Variants in ZNF467 observed in about 807,000 individuals in gnomAD.
ZNF467 encodes the protein zinc finger protein 467, also known as zinc finger protein EZI.
Under a neutral mutation model 47.8 loss-of-function variants are expected in ZNF467, and 51 were observed. The observed-to-expected ratio is 1.07, with a 90% CI of 0.85 to 1.35. The LOEUF (loss-of-function observed/expected upper bound fraction) is 1.35. ZNF467 is among the 40% of genes most tolerant of loss of function. The pLI is 0.00. For missense variants in ZNF467, 992 were observed against 858.1 expected (o/e 1.16, Z -1.95); for synonymous variants, 416 against 372.9 (o/e 1.12, Z -1.33).
chr7:149,765,098 G>A lies in ZNF467; in HGVS notation c.1404C>T (p.Phe468=). 2 of 1,467,350 alleles carry A rather than the reference G, an allele frequency of 1.4e-6. No homozygotes were observed. Among genetic ancestry groups the A allele is most frequent in the Admixed American group, 2.5e-5 (1 of 39,828 alleles). The allele number at this position is 1,467,350 out of a possible 1,614,324, so 90.9% of individuals were successfully genotyped here. The change falls in exon 5 of 5, where the codon TTC becomes TTT. Residue 468 remains phenylalanine (F), a synonymous_variant. Coordinates refer to ENST00000302017, the MANE Select transcript of ZNF467 (RefSeq NM_207336.3). The stretch of plus-strand genomic sequence containing the variant: ...GGGCGACCAGATTAGGCCGCGAGCC[G>A]AAGCGGCGGTCACACTGCGTGCAGG... ...PFACTQCDRR[F]GSRPNLVAHS... is the part of the protein sequence containing the mutation.
upstream of ZNF467, chr7:149,776,527 AAGTG>A (rs1799586220): frequency 7.7e-7 from 1 of 1,304,200 alleles, no homozygotes; most frequent in African/African-American, 1.5e-5. Context: ...TCCTATCTAC[AAGTG>A]AGTAAGGGTG....
At chr7:149,774,228 C>T (rs969818646), upstream of ZNF467, among the ~76,000 whole-genome samples, 1 of 152,142 alleles carries the variant, frequency 6.6e-6, no homozygotes, top group Non-Finnish European at 1.5e-5. This position sits in a 1 kb window ranked among gnomAD's most constrained non-coding sequence, Gnocchi z 5.7. Flanking sequence ...CCCAGCTCCT[C>T]AGGGGACTCC....
intron 1 of ZNF467, among the ~76,000 whole-genome samples, chr7:149,771,710 G>GCCCCTCCCCCAGCAGACT (rs1422566609): frequency 5.1e-4 from 11 of 21,536 alleles, no homozygotes; most frequent in Non-Finnish European, 4.1e-4. Flanking sequence ...CGGCTCCCCC[G>GCCCCTCCCCCAGCAGACT]CCCCTCCCCC....
intron 4 of ZNF467, among the ~76,000 whole-genome samples, chr7:149,768,075 T>C (rs1251452031): frequency 6.6e-6 from 1 of 152,216 alleles, no homozygotes; most frequent in Non-Finnish European, 1.5e-5. Context: ...CAGCACAAAT[T>C]AATGTTTTTT....
At position 149,770,336 on chromosome 7, in the gene ZNF467, A is replaced by G. The variant is rs540196424; in HGVS notation, c.151+104T>C. On this transcript the variant is annotated intron_variant, in intron 3 of 4. Coordinates refer to ENST00000302017, the MANE Select transcript of ZNF467 (RefSeq NM_207336.3). The stretch of plus-strand genomic sequence containing the variant: ...AATGGAAGGAAGGAAGGAAAGAAGG[A>G]AGGGAGGGAGGGAGGGGGGAGGGAA... 20 of 599,756 alleles carry G rather than the reference A, an allele frequency of 3.3e-5. No homozygotes were observed. The East Asian group carries it at 5.8e-4, about 17-fold the overall frequency. 37.2% of individuals were successfully genotyped at this position (599,756 alleles called of 1,614,324 possible).
chr7:149,766,592 G>A (rs1417971074), intron 4 of ZNF467, among the ~76,000 whole-genome samples: 1 of 152,218 alleles, frequency 6.6e-6, no homozygotes, highest in Non-Finnish European at 1.5e-5. Flanking sequence ...CTCCAGCAGT[G>A]CCTTTCTGGG....
chr7:149,766,273 T>A, intron 4 of ZNF467, 34 bp from the exon 5 acceptor site: 1 of 1,511,328 alleles, frequency 6.6e-7, no homozygotes, highest in Non-Finnish European at 8.8e-7. Context: ...TCTATTGAGC[T>A]CCACGTGCGG....
Position 149,769,199 on chromosome 7 carries a change from C to T in ZNF467, c.153G>A (p.Gly51=), listed in dbSNP as rs1799313919. 6.4e-7 allele frequency: 1 copy of T among 1,553,258 alleles called. No homozygotes were observed. ...CTTCCTCCGGTGTAGGGGCCTCGTG[C>T]CCTGGCAGAGAATAGGATACCTCAA... The part of the protein sequence containing the change: ...REERALGVCS[G]HEAPTPEEGA... Residue 51 remains glycine (G), a splice_region_variant and synonymous_variant, in exon 4 of 5, where the codon GGG becomes GGA. Transcript: ENST00000302017. The surrounding 1 kb of genome is among the most constrained non-coding windows in gnomAD (Gnocchi z 5.3).
Position 149,765,901 on chromosome 7 carries a change from C to T in ZNF467, c.601G>A (p.Ala201Thr). ...PDCGRSFTQR[A>T]HMLLHQRSHR... ...CTGCGCTGATGCAGTAGCATGTGGGCGCGCTGCGTGAAGCTGCGGCCGCAG... is the reference window on the plus strand; with the variant it reads ...CTGCGCTGATGCAGTAGCATGTGGGTGCGCTGCGTGAAGCTGCGGCCGCAG... Residue 201 changes from alanine to threonine, a missense_variant, in exon 5 of 5, where the codon GCC becomes ACC. By Grantham distance (58) the Ala-to-Thr change is moderately conservative (BLOSUM62 0). Transcript: ENST00000302017. 6.3e-7 allele frequency: 1 copy of T among 1,575,936 alleles called. No homozygotes were observed. Among genetic ancestry groups the T allele is most frequent in the African/African-American group, 1.4e-5 (1 of 74,066 alleles).
At position 149,765,988 on chromosome 7, in the gene ZNF467, G is replaced by A; in HGVS notation, c.514C>T (p.Gln172Ter). 1.9e-6 allele frequency: 3 copies of A among 1,557,172 alleles called. No individual in the cohort carries two copies. Among genetic ancestry groups the A allele is most frequent in the South Asian group, 2.3e-5 (2 of 85,410 alleles). Residue 172 changes from glutamine (Q) to a stop codon, truncating the protein, a stop_gained, in exon 5 of 5, where the codon CAG becomes TAG. Coordinates refer to ENST00000302017, the MANE Select transcript of ZNF467 (RefSeq NM_207336.3). LOFTEE classifies it high-confidence loss of function. ...CGCTGGTGCAGTCGCAACGTCAGCT[G>A]GTCCCGGAAGCGCCGCTCACACTCC... is the stretch of plus-strand genomic sequence containing the variant. ...CGECERRFRD[Q>*]LTLRLHQRLH...
chr7:149,765,516 CT>C lies in ZNF467; in HGVS notation c.985del (p.Arg329GlyfsTer34). The C allele has an allele frequency of 6.3e-7, 1 of 1,580,054 alleles. No homozygotes were observed. Among genetic ancestry groups the C allele is most frequent in the Non-Finnish European group, 8.6e-7 (1 of 1,163,494 alleles). ...AGAAGCGGACGAGTCGGGAGAGGGC[CT>C]GGCCGGGCCGGCCGTCTGGTGCACC... ...QRVHQTAGPA[R>X]PSPDSSASPH... On this transcript the variant is annotated frameshift_variant, in exon 5 of 5. Coordinates refer to ENST00000302017, the MANE Select transcript of ZNF467 (RefSeq NM_207336.3). LOFTEE classifies it high-confidence loss of function.
At position 149,764,605 on chromosome 7, in the gene ZNF467, C is replaced by A. The variant is rs531754070; in HGVS notation, c.*109G>T. 4.5e-6 allele frequency: 7 copies of A among 1,539,214 alleles called. No homozygotes were observed. Among genetic ancestry groups the A allele is most frequent in the Non-Finnish European group, 6.1e-6 (7 of 1,138,824 alleles). On this transcript the variant is annotated 3_prime_UTR_variant, in exon 5 of 5. Coordinates refer to ENST00000302017, the MANE Select transcript of ZNF467 (RefSeq NM_207336.3). ...CGGGAAGGAAACAGGTGTCCCGCGGCGGCCAAACCTTCGGGCAGCAGCCCA... is the reference window on the plus strand; with the variant it reads ...CGGGAAGGAAACAGGTGTCCCGCGGAGGCCAAACCTTCGGGCAGCAGCCCA...
At chr7:149,767,376 T>C (rs961010428) in intron 4 of ZNF467, among the ~76,000 whole-genome samples, 5 of 152,266 alleles carry the variant, frequency 3.3e-5, no homozygotes, top group African/African-American at 1.2e-4. Flanking sequence ...TTTGGGTTCC[T>C]GTCTGGCCTG....
At chr7:149,772,910 C>T (rs1283743615) in intron 1 of ZNF467, among the ~76,000 whole-genome samples, 198 bp downstream of exon 1, 2 of 135,246 alleles carry the variant, frequency 1.5e-5, no homozygotes, top group African/African-American at 5.8e-5. Context: ...CCCCCACAGC[C>T]CTCACCCTGC....
rs1799100447 is a variant in ZNF467 at position 149,764,773 on chromosome 7, G to A, written c.1729C>T (p.Leu577Phe). The A allele has an allele frequency of 6.6e-7, 1 of 1,525,354 alleles. No individual in the cohort carries two copies. The highest frequency in any genetic ancestry group is 8.8e-7 in the Non-Finnish European group (1 of 1,136,380). The allele number at this position is 1,525,354 out of a possible 1,614,324, so 94.5% of individuals were successfully genotyped here. Reference protein sequence around the residue: ...EAAHAAPDAALAAPAWSAPPE... With the variant: ...EAAHAAPDAAFAAPAWSAPPE... The stretch of plus-strand genomic sequence containing the variant: ...GGAGCGGACCAGGCTGGGGCCGCAA[G>A]GGCGGCGTCCGGGGCCGCGTGGGCG... The change falls in exon 5 of 5, where the codon CTT becomes TTT. Residue 577 changes from leucine (L) to phenylalanine (F), a missense_variant. Leu to Phe is a conservative substitution (Grantham distance 22). Coordinates refer to ENST00000302017, the MANE Select transcript of ZNF467 (RefSeq NM_207336.3).
intron 4 of ZNF467, among the ~76,000 whole-genome samples, chr7:149,767,301 C>A (rs557677523): frequency 6.6e-6 from 1 of 152,262 alleles, no homozygotes; most frequent in Non-Finnish European, 1.5e-5. Context: ...GCAAGGCCCA[C>A]GAACGTGTTC....
upstream of ZNF467, chr7:149,776,337 C>G: frequency 4.4e-6 from 6 of 1,359,028 alleles, no homozygotes; most frequent in South Asian, 6.9e-5. Context: ...GGTTCCCCAT[C>G]ATGGGCAGGC....
chr7:149,770,974 A>G (rs565499216), intron 2 of ZNF467, 25 bp downstream of exon 2: 32 of 1,613,904 alleles, frequency 2.0e-5, no homozygotes, highest in Non-Finnish European at 2.5e-5. Context: ...CTTTTCCCCA[A>G]GTCCCTTCAT....
rs1194835429 is a variant in ZNF467 at position 149,765,844 on chromosome 7, C to T, written c.658G>A (p.Glu220Lys). ...HRGERPFPCS[E>K]CDKRFSKKAH... The stretch of plus-strand genomic sequence containing the variant: ...TTCTTGCTGAAGCGCTTGTCGCACT[C>T]GGAGCACGGGAAAGGCCGCTCGCCG... Residue 220 changes from glutamate to lysine, a missense_variant, in exon 5 of 5, where the codon GAG (glutamate) becomes AAG (lysine). Transcript: ENST00000302017. The T allele has an allele frequency of 6.8e-6, 11 of 1,607,668 alleles. No individual in the cohort carries two copies. Among genetic ancestry groups the T allele is most frequent in the Non-Finnish European group, 9.3e-6 (11 of 1,177,462 alleles).
Sources: allele counts gnomAD v4.1 joint callset (sites outside exome capture counted in the v4.1 genomes callset), GRCh38; gene constraint gnomAD v4.1.1; non-coding constraint Gnocchi (gnomAD v3.1); transcripts MANE v1.5; gene names NCBI Gene and HGNC (gene_info 2026-07-23, HGNC 2026-07-21).